MAPKBP1: variants seen among roughly 807,000 people sequenced by gnomAD.
MAPKBP1 encodes the protein mitogen-activated protein kinase-binding protein 1.
Under a neutral mutation model 170.5 loss-of-function variants are expected in MAPKBP1, and 71 were observed. The ratio of observed to expected loss-of-function variants is 0.42; its 90% CI spans 0.34 to 0.51. MAPKBP1 has a LOEUF of 0.51. MAPKBP1 is among the 20% of genes least tolerant of loss of function. The probability of loss-of-function intolerance (pLI) is 0.06; values close to 1 mark genes in which losing one functional copy is unlikely to be tolerated. For missense variants in MAPKBP1, 1,598 were observed against 1,933.0 expected, an observed-to-expected ratio of 0.83 and a Z score of 3.25; for synonymous variants, 719 against 757.9, an observed-to-expected ratio of 0.95 and a Z score of 0.84.
Position 41,814,566 on chromosome 15 carries a change from G to A in MAPKBP1, c.997G>A (p.Val333Met). ...TCCCTACAGTCGCCTCTTCTCTGGA[G>A]TGGCGAATGCCAGGTATCCAGACAC... ...VTEASRLFSG[V>M]ANARYPDTIA... The change falls in exon 10 of 31, where the codon GTG becomes ATG. Residue 333 changes from valine to methionine, a missense_variant. By Grantham distance (21) the Val-to-Met change is conservative. Coordinates refer to ENST00000457542, the MANE Select transcript of MAPKBP1 (RefSeq NM_014994.3). 2 of 1,614,134 alleles carry A rather than the reference G, an allele frequency of 1.2e-6. No homozygotes were observed. Among genetic ancestry groups the A allele is most frequent in the Non-Finnish European group, 1.7e-6 (2 of 1,180,006 alleles).
At position 41,825,281 on chromosome 15, in the gene MAPKBP1, G is replaced by A. The variant is rs1286536852; in HGVS notation, c.4372G>A (p.Val1458Met). ...AQLLRDTFSS[V>M]RQELEAVAGA... ...GCTCCTCAGAGACACCTTCTCTTCAGTGCGACAGGAGCTGGAAGCTGTGGC... is the reference window on the plus strand; with the variant it reads ...GCTCCTCAGAGACACCTTCTCTTCAATGCGACAGGAGCTGGAAGCTGTGGC... The change falls in exon 31 of 31, where the codon GTG (valine) becomes ATG (methionine). Residue 1458 changes from valine (V) to methionine (M), a missense_variant. Val to Met is a conservative substitution (Grantham distance 21). Around this residue, in one of 6 missense-constraint regions of MAPKBP1, gnomAD observed 942 missense variants for 953.2 expected, o/e 0.99. Transcript: ENST00000457542. 3 of 1,612,266 alleles carry A rather than the reference G, an allele frequency of 1.9e-6. No individual in the cohort carries two copies. Among genetic ancestry groups the A allele is most frequent in the Admixed American group, 3.3e-5 (2 of 59,992 alleles).
intron 2 of MAPKBP1, among the ~76,000 whole-genome samples, chr15:41,795,851 C>T (rs879493122): frequency 3.3e-5 from 5 of 152,148 alleles, no homozygotes; most frequent in African/African-American, 7.2e-5. Flanking sequence ...CCTCGTGATC[C>T]GCCCGTCTCG....
chr15:41,812,440 T>C, intron 6 of MAPKBP1, 76 bp from the exon 7 acceptor site: 1 of 1,573,952 alleles, frequency 6.4e-7, no homozygotes, highest in Non-Finnish European at 8.7e-7. Flanking sequence ...ATTCTAATTC[T>C]CCTCCATTCT....
At chr15:41,799,692 T>C (rs2064556269) in intron 2 of MAPKBP1, 131 bp from the exon 3 acceptor site, 5 of 667,364 alleles carry the variant, frequency 7.5e-6, no homozygotes, top group Non-Finnish European at 1.1e-5. Context: ...GCAGAAGTCA[T>C]AGCTCCATTC....
intron 23 of MAPKBP1, chr15:41,821,359 TA>T: frequency 1.6e-6 from 1 of 610,528 alleles, no homozygotes; most frequent in Non-Finnish European, 2.9e-6. Context: ...CCCAGAGTGC[TA>T]ATATAGTTCA....
At chr15:41,804,752 C>T (rs1345044992) in intron 3 of MAPKBP1, among the ~76,000 whole-genome samples, 1 of 152,244 alleles carries the variant, frequency 6.6e-6, no homozygotes, top group Non-Finnish European at 1.5e-5. Flanking sequence ...TAGTAGGTTT[C>T]CTAAGCGTGT....
chr15:41,815,191 C>T, intron 10 of MAPKBP1, 68 bp from the exon 11 acceptor site: 2 of 1,587,222 alleles, frequency 1.3e-6, no homozygotes, highest in Non-Finnish European at 1.7e-6. Context: ...CATTCCCTTC[C>T]ATCTCCTTGG....
At chr15:41,795,657 A>T (rs976285048) in intron 2 of MAPKBP1, among the ~76,000 whole-genome samples, 3 of 152,040 alleles carry the variant, frequency 2.0e-5, no homozygotes, top group African/African-American at 7.2e-5. Flanking sequence ...CCCAGGCTGG[A>T]GTGCAGTGGT....
intron 5 of MAPKBP1, 66 bp from the exon 6 acceptor site, chr15:41,811,891 G>T (rs1001700451): frequency 9.6e-6 from 15 of 1,560,286 alleles, no homozygotes; most frequent in Non-Finnish European, 1.3e-5. Flanking sequence ...CGCTCTGGAA[G>T]ACGAAGTGGG....
chr15:41,810,765 T>G, intron 3 of MAPKBP1, 118 bp from the exon 4 acceptor site: 14 of 713,660 alleles, frequency 2.0e-5, no homozygotes. Context: ...AGTGGAGCCC[T>G]TCTGAGCTCT....
chr15:41,781,309 C>G (rs2064183214), intron 2 of MAPKBP1, among the ~76,000 whole-genome samples: 1 of 151,944 alleles, frequency 6.6e-6, no homozygotes, highest in South Asian at 2.1e-4. Context: ...CTCCTGACCT[C>G]AAGTGATCTG....
chr15:41,811,030 G>T, intron 4 of MAPKBP1, 85 bp downstream of exon 4: 1 of 1,563,662 alleles, frequency 6.4e-7, no homozygotes, highest in Non-Finnish European at 8.8e-7. Flanking sequence ...GGCTCTGGGG[G>T]CTGGGACCTG....
At chr15:41,813,452 A>T in intron 8 of MAPKBP1, 169 bp from the exon 9 acceptor site, 1 of 1,441,218 alleles carries the variant, frequency 6.9e-7, no homozygotes. Flanking sequence ...TCGGTTCCTA[A>T]TCCCTGGCTG....
intron 4 of MAPKBP1, 91 bp from the exon 5 acceptor site, chr15:41,811,087 G>A: frequency 6.5e-7 from 1 of 1,548,172 alleles, no homozygotes; most frequent in Non-Finnish European, 8.9e-7. Context: ...TGCCATTGGT[G>A]TCTGCTGGTC....
chr15:41,784,238 G>A (rs902612833), intron 2 of MAPKBP1, among the ~76,000 whole-genome samples: 1 of 152,134 alleles, frequency 6.6e-6, no homozygotes, highest in Non-Finnish European at 1.5e-5. Flanking sequence ...TGCTTATGAT[G>A]TTCTTTCTCC....
At chr15:41,819,557 G>GGGGGGGGCCCCCCC in intron 21 of MAPKBP1, 38 bp from the exon 22 acceptor site, 1 of 1,384,660 alleles carries the variant, frequency 7.2e-7, no homozygotes, top group Non-Finnish European at 1.0e-6. Context: ...CGGGGGGGGG[G>GGGGGGGGCCCCCCC]CAGGAGACAC....
intron 20 of MAPKBP1, 100 bp downstream of exon 20, chr15:41,819,057 C>T: frequency 6.4e-7 from 1 of 1,550,616 alleles, no homozygotes; most frequent in South Asian, 1.2e-5. Context: ...TTCAGCAACT[C>T]TGTCTCCCAA....
intron 22 of MAPKBP1, 80 bp downstream of exon 22, chr15:41,819,730 G>C: frequency 2.1e-6 from 3 of 1,425,838 alleles, no homozygotes; most frequent in Non-Finnish European, 2.9e-6. Context: ...TCTGGGCCTG[G>C]TAGGGTACTG....
In MAPKBP1 at chr15:41,821,082, C is replaced by G; in HGVS notation, c.2718+14C>G. ...CTCACTAGCCAGGTGAGCCTGCTTT[C>G]TCCCAGCTCTCTAGAGAGTTCCAAG... On this transcript the variant is annotated intron_variant, in intron 23 of 30. Transcript: ENST00000457542. 1 of 1,611,576 alleles carries G rather than the reference C, an allele frequency of 6.2e-7. No homozygotes were observed. The highest frequency in any genetic ancestry group is 1.1e-5 in the South Asian group (1 of 91,006).
Sources: allele counts gnomAD v4.1 joint callset (sites outside exome capture counted in the v4.1 genomes callset), GRCh38; gene constraint gnomAD v4.1.1; regional missense constraint gnomAD v4.1.1; transcripts MANE v1.5; gene names NCBI Gene and HGNC (gene_info 2026-07-23, HGNC 2026-07-21).